The following DISP1 variants were observed in gnomAD, a reference collection of about 807,000 sequenced individuals.
The protein encoded by DISP1 is protein dispatched homolog 1.
A neutral mutation model predicts 37.3 loss-of-function variants in DISP1; 30 were observed. The ratio of observed to expected loss-of-function variants is 0.80; its 90% CI spans 0.60 to 1.09. The LOEUF is 1.09. DISP1 is among the 50% of genes least tolerant of loss of function. The pLI is 0.00. For synonymous variants in DISP1, 634 were observed against 690.2 expected (o/e 0.92, Z 1.28); for missense variants, 1,598 against 1,879.5 (o/e 0.85, Z 2.77).
chr1:222,927,548 A>C (rs1200431295), intron 1 of DISP1, among the ~76,000 whole-genome samples: 1 of 152,114 alleles, frequency 6.6e-6, no homozygotes, highest in African/African-American at 2.4e-5. Flanking sequence ...ATTTTGATGA[A>C]GTCCAATTTT....
chr1:222,958,128 T>C lies in DISP1; in HGVS notation c.509+14796T>C, dbSNP rs531808492. ...GATTGACATATTTAATTATCAGATATCTTTCTTTTGCCAAAAAGTTGTGGT... is the reference window on the plus strand; with the variant it reads ...GATTGACATATTTAATTATCAGATACCTTTCTTTTGCCAAAAAGTTGTGGT... On this transcript the variant is annotated intron_variant, in intron 3 of 8. Transcript: ENST00000675850. Among the ~76,000 whole-genome samples the C allele has an allele frequency of 2.0e-5, 3 of 152,368 alleles. No homozygotes were observed. In the South Asian group the frequency reaches 6.2e-4, roughly 32 times the overall value.
intron 1 of DISP1, among the ~76,000 whole-genome samples, chr1:222,904,281 G>A (rs1671775624): frequency 1.3e-5 from 2 of 152,116 alleles, no homozygotes; most frequent in South Asian, 4.1e-4. Context: ...AAATATATTT[G>A]TGTGAGCTTC....
intron 1 of DISP1, among the ~76,000 whole-genome samples, chr1:222,875,036 C>T (rs576168365): frequency 9.9e-5 from 15 of 151,966 alleles, no homozygotes; most frequent in East Asian, 5.8e-4. Flanking sequence ...CCATTGTAAA[C>T]GAATTGGTAA....
Position 222,983,036 on chromosome 1 carries a change from T to C in DISP1, c.510-44T>C, listed in dbSNP as rs754759916. 5.4e-6 allele frequency: 8 copies of C among 1,476,922 alleles called. No homozygotes were observed. In the East Asian group the frequency reaches 1.8e-4, roughly 33 times the overall value. The allele number at this position is 1,476,922 out of a possible 1,614,324, so 91.5% of individuals were successfully genotyped here. ...TTTGTTTATGTTATGATGTTTATGA[T>C]GCTCTGTTTTTGATCATTTTTCCTT... is the stretch of plus-strand genomic sequence containing the variant. On this transcript the variant is annotated intron_variant, in intron 3 of 8. Coordinates refer to ENST00000675850, the MANE Select transcript of DISP1 (RefSeq NM_001377229.1).
intron 1 of DISP1, among the ~76,000 whole-genome samples, chr1:222,858,582 C>A (rs990662733): frequency 1.3e-5 from 2 of 152,110 alleles, no homozygotes; most frequent in African/African-American, 4.8e-5. Context: ...CTCTATCCAT[C>A]TGATAAAGGT....
intron 1 of DISP1, among the ~76,000 whole-genome samples, chr1:222,836,376 T>C (rs887388714): frequency 6.6e-5 from 10 of 152,250 alleles, no homozygotes; most frequent in African/African-American, 2.4e-4. Context: ...GAACTAGTGC[T>C]TTCTTATCAT....
chr1:222,903,449 TAA>T (rs199857131), intron 1 of DISP1, among the ~76,000 whole-genome samples: 1 of 147,494 alleles, frequency 6.8e-6, no homozygotes. Context: ...AAAGTATAAT[TAA>T]AAAAAAAAGA....
At chr1:222,936,932 A>AT (rs1423695282) in intron 2 of DISP1, among the ~76,000 whole-genome samples, 1 of 71,014 alleles carries the variant, frequency 1.4e-5, no homozygotes. Flanking sequence ...TATAATATGT[A>AT]ATATATATTA....
In DISP1 at chr1:223,002,359, CCTT is replaced by C. The variant is rs369656871; in HGVS notation, c.988-23_988-21del. On this transcript the variant is annotated intron_variant, in intron 8 of 8. Transcript: ENST00000675850. ...ATTGTGAACCAATTTAAACTGTAGT[CCTT>C]CTGCTTGTCTCTATCTCTGCAGATC... The C allele has an allele frequency of 2.4e-5, 39 of 1,600,616 alleles. No homozygotes were observed. In the Middle Eastern group the frequency reaches 1.1e-3, roughly 45 times the overall value.
chr1:222,820,007 A>G (rs1284403857), intron 1 of DISP1, among the ~76,000 whole-genome samples: 1 of 152,160 alleles, frequency 6.6e-6, no homozygotes, highest in Non-Finnish European at 1.5e-5. Flanking sequence ...ATGTTCACCA[A>G]AAGGGTCCCA....
chr1:222,854,848 A>T (rs11485187), intron 1 of DISP1, among the ~76,000 whole-genome samples: 92,004 of 151,530 alleles, frequency 0.61, 28,952 homozygotes, highest in African/African-American at 0.77. Flanking sequence ...ACTGCTTGGG[A>T]TGAACAAGAT....
intron 8 of DISP1, among the ~76,000 whole-genome samples, chr1:222,996,078 G>A (rs550398634): frequency 2.6e-5 from 4 of 152,172 alleles, no homozygotes; most frequent in Non-Finnish European, 5.9e-5. Flanking sequence ...CCAATCGACT[G>A]AGGTATCAGG....
At chr1:222,861,311 A>G (rs773381420) in intron 1 of DISP1, among the ~76,000 whole-genome samples, 2 of 152,032 alleles carry the variant, frequency 1.3e-5, no homozygotes, top group Non-Finnish European at 2.9e-5. Flanking sequence ...CTTTATTGCA[A>G]CCTTCATGAT....
chr1:222,959,252 A>G (rs1159472596), intron 3 of DISP1, among the ~76,000 whole-genome samples: 2 of 152,198 alleles, frequency 1.3e-5, no homozygotes, highest in African/African-American at 4.8e-5. Flanking sequence ...TAAAATCTAT[A>G]ACAATAGTAT....
At chr1:222,954,995 T>C (rs1210158652) in intron 3 of DISP1, among the ~76,000 whole-genome samples, 1 of 151,912 alleles carries the variant, frequency 6.6e-6, no homozygotes, top group Non-Finnish European at 1.5e-5. Context: ...CCCCTTTGTC[T>C]GGAGAAGGGC....
rs1320285431 is a variant in DISP1, at chr1:222,936,747, C to A, written c.-17-6060C>A. Among the ~76,000 whole-genome samples the A allele has an allele frequency of 3.1e-3, 200 of 63,710 alleles. 5 individuals carry two copies. Among genetic ancestry groups the A allele is most frequent in the African/African-American group, 0.012 (190 of 15,844 alleles). 41.8% of individuals were successfully genotyped at this position (63,710 alleles called of 152,430 possible). ...TATATGATATATAAAAATTATATAT[C>A]ATATATATGATATATAAAAATTATA... is the stretch of plus-strand genomic sequence containing the variant. On this transcript the variant is annotated intron_variant, in intron 2 of 8. Transcript: ENST00000675850.
At chr1:222,822,997 A>G (rs537646196) in intron 1 of DISP1, among the ~76,000 whole-genome samples, 10 of 152,356 alleles carry the variant, frequency 6.6e-5, no homozygotes, top group African/African-American at 2.4e-4. Context: ...GTTAATTCAG[A>G]ATAAATTGTG....
chr1:223,004,262 G>A lies in DISP1; in HGVS notation c.2865G>A (p.Leu955=), dbSNP rs751809737. Residue 955 remains leucine (L), a synonymous_variant, in exon 9 of 9, where the codon CTG becomes CTA. Transcript: ENST00000675850. This position sits in a 1 kb window ranked among gnomAD's most constrained non-coding sequence, Gnocchi z 4.9. The part of the protein sequence containing the change: ...KEVDSWISSE[L]SSAPEGLSNG... Reference sequence around the variant, plus strand: ...TGGACTCGTGGATATCCAGTGAGCTGAGTTCGGCCCCTGAAGGCCTCAGCA... The same window carrying A: ...TGGACTCGTGGATATCCAGTGAGCTAAGTTCGGCCCCTGAAGGCCTCAGCA... The A allele has an allele frequency of 1.2e-6, 2 of 1,614,120 alleles. No individual in the cohort carries two copies. The highest frequency in any genetic ancestry group is 2.2e-5 in the East Asian group (1 of 44,882).
chr1:222,971,035 AT>A (rs1021293009), intron 3 of DISP1, among the ~76,000 whole-genome samples: 41 of 151,814 alleles, frequency 2.7e-4, no homozygotes, highest in East Asian at 2.5e-3. Context: ...AGTTTAGTTG[AT>A]TTTTTTTCTT....
Sources: gnomAD v4.1 joint callset for allele counts (sites outside exome capture counted in the v4.1 genomes callset) on GRCh38, gnomAD v4.1.1 for gene constraint, Gnocchi (gnomAD v3.1) non-coding constraint, MANE v1.5 for transcripts, NCBI Gene and HGNC (gene_info 2026-07-23, HGNC 2026-07-21) for gene names.